The following STXBP5L variants were observed in gnomAD, a reference collection of about 807,000 sequenced individuals.
The protein encoded by STXBP5L is syntaxin-binding protein 5-like.
A neutral mutation model predicts 144.5 loss-of-function variants in STXBP5L; 65 were observed. The observed-to-expected ratio is 0.45, with a 90% CI of 0.37 to 0.55. The LOEUF is 0.55. Among genes scored for constraint, STXBP5L ranks in the 20% least tolerant of loss-of-function variants. The pLI, the probability that STXBP5L is intolerant of heterozygous loss-of-function variation, is 0.00. For synonymous variants in STXBP5L, 505 were observed against 469.6 expected (o/e 1.08, Z -0.97); for missense variants, 1,298 against 1,405.5 (o/e 0.92, Z 1.22).
At chr3:121,007,856 A>T (rs1944462896) in intron 3 of STXBP5L, among the ~76,000 whole-genome samples, 1 of 152,028 alleles carries the variant, frequency 6.6e-6, no homozygotes, top group South Asian at 2.1e-4. Flanking sequence ...TTTACTACAC[A>T]GTTACTCTTA....
At chr3:121,171,096 G>A (rs2046694992) in intron 9 of STXBP5L, among the ~76,000 whole-genome samples, 1 of 152,140 alleles carries the variant, frequency 6.6e-6, no homozygotes. Context: ...ACAACCACAT[G>A]ATTTTCTCAA....
intron 7 of STXBP5L, 76 bp downstream of exon 7, chr3:121,121,780 A>G (rs1327493135): frequency 9.3e-7 from 1 of 1,074,306 alleles, no homozygotes; most frequent in African/African-American, 1.6e-5. Context: ...CTATTATTTT[A>G]TATCTAGTAT....
chr3:121,154,637 T>C (rs541094613), intron 8 of STXBP5L, among the ~76,000 whole-genome samples: 7 of 151,850 alleles, frequency 4.6e-5, no homozygotes, highest in Admixed American at 1.3e-4. Flanking sequence ...GTTTATATTA[T>C]CTCTTATTTC....
chr3:121,201,402 G>T (rs186161881), intron 9 of STXBP5L, among the ~76,000 whole-genome samples: 1 of 152,096 alleles, frequency 6.6e-6, no homozygotes, highest in East Asian at 1.9e-4. Context: ...TTGAGCCTAA[G>T]TATGTCTTTA....
At chr3:121,180,983 G>C (rs565439604) in intron 9 of STXBP5L, among the ~76,000 whole-genome samples, 3 of 151,576 alleles carry the variant, frequency 2.0e-5, no homozygotes, top group African/African-American at 7.3e-5. Flanking sequence ...AAGGGGAGGG[G>C]AGAAGGAAAG....
intron 2 of STXBP5L, among the ~76,000 whole-genome samples, chr3:120,933,381 G>A (rs1028548743): frequency 6.6e-6 from 1 of 151,848 alleles, no homozygotes; most frequent in Non-Finnish European, 1.5e-5. Flanking sequence ...CAACATCACT[G>A]CAAACATTCT....
intron 5 of STXBP5L, among the ~76,000 whole-genome samples, chr3:121,045,825 T>C (rs1947482688): frequency 6.6e-6 from 1 of 152,132 alleles, no homozygotes; most frequent in African/African-American, 2.4e-5. Flanking sequence ...TTTGACTTCC[T>C]TTCTTCCTAT....
rs1939611561 is a variant in STXBP5L, at chr3:120,966,616, G to A, written c.287+11579G>A. On this transcript the variant is annotated intron_variant, in intron 3 of 26. Transcript: ENST00000471454. ...TGCCTGGGTATCACCATTGGAGGCT[G>A]CAGAACAGCAAATATTGCAGAACAG... 3.3e-5 allele frequency among the ~76,000 whole-genome samples: 5 copies of A among 152,162 alleles called. No individual in the cohort carries two copies. The South Asian group carries it at 1.0e-3, about 32-fold the overall frequency.
At chr3:121,154,852 C>A (rs1399594033) in intron 8 of STXBP5L, among the ~76,000 whole-genome samples, 1 of 151,626 alleles carries the variant, frequency 6.6e-6, no homozygotes, top group Non-Finnish European at 1.5e-5. Context: ...TCAGTTTAGA[C>A]CCCTCAAAGT....
At position 121,043,902 on chromosome 3, in the gene STXBP5L, C is replaced by T. The variant is rs1306589778; in HGVS notation, c.370-1533C>T. On this transcript the variant is annotated intron_variant, in intron 4 of 26. Coordinates refer to ENST00000471454, the MANE Select transcript of STXBP5L (RefSeq NM_001308330.2). ...TACATATCATGTTCTATCCTCACCC[C>T]ATCTCAGGTGAACTTCCACCTCTCT... Among the ~76,000 whole-genome samples the T allele has an allele frequency of 2.0e-5, 3 of 152,126 alleles. No homozygotes were observed. The East Asian group carries it at 5.8e-4, about 29-fold the overall frequency.
At chr3:121,183,749 C>T (rs2047257742) in intron 9 of STXBP5L, among the ~76,000 whole-genome samples, 1 of 152,064 alleles carries the variant, frequency 6.6e-6, no homozygotes. Context: ...AGGTCCCTGA[C>T]CCCTGTGCCT....
At position 121,297,202 on chromosome 3, in the gene STXBP5L, A is replaced by ATGTGTGTGTGTG. The variant is rs71133526; in HGVS notation, c.2110+17273_2110+17284dup. 7.8e-3 allele frequency among the ~76,000 whole-genome samples: 1,150 copies of ATGTGTGTGTGTG among 148,304 alleles called. 6 individuals are homozygous for ATGTGTGTGTGTG. The highest frequency in any genetic ancestry group is 0.013 in the African/African-American group (523 of 39,988). On this transcript the variant is annotated intron_variant, in intron 19 of 26. Transcript: ENST00000471454. ...CAGAATCTGAATGATTCTACATTAT[A>ATGTGTGTGTGTG]TGTGTGTGTGTGTGTGTGTGTGTGT... is the stretch of plus-strand genomic sequence containing the variant.
rs76879112 is a variant in STXBP5L at position 121,119,499 on chromosome 3, A to G, written c.606-2142A>G. On this transcript the variant is annotated intron_variant, in intron 6 of 26. Transcript: ENST00000471454. ...AATATTAAGAAGGCTACTTTAGTGA[A>G]TGGGAGAAAGAGAACTAAATAGGGA... Among the ~76,000 whole-genome samples the G allele has an allele frequency of 4.5e-3, 683 of 151,574 alleles. 8 individuals are homozygous for G. Among genetic ancestry groups the G allele is most frequent in the African/African-American group, 0.015 (623 of 41,534 alleles).
chr3:121,354,731 A>G (rs147604810), intron 20 of STXBP5L, among the ~76,000 whole-genome samples: 2,507 of 151,988 alleles, frequency 0.016, 63 homozygotes, highest in African/African-American at 0.057. Context: ...TGATCCTGTC[A>G]TTATGATGTT....
At chr3:121,187,640 G>A (rs2047451905) in intron 9 of STXBP5L, among the ~76,000 whole-genome samples, 1 of 150,586 alleles carries the variant, frequency 6.6e-6, no homozygotes, top group Non-Finnish European at 1.5e-5. Context: ...CAACTAACAG[G>A]CAAAATAATC....
chr3:121,253,446 C>T (rs2050091919), intron 15 of STXBP5L, among the ~76,000 whole-genome samples: 1 of 151,712 alleles, frequency 6.6e-6, no homozygotes, highest in Admixed American at 6.6e-5. Flanking sequence ...ACATTACATA[C>T]CCCTAAATAC....
chr3:121,223,199 T>G (rs2049026498), intron 11 of STXBP5L, 42 bp downstream of exon 11: 1 of 1,547,354 alleles, frequency 6.5e-7, no homozygotes, highest in Non-Finnish European at 8.7e-7. Flanking sequence ...AAAATCATTT[T>G]GGAAATGACA....
chr3:121,077,865 G>C (rs996607764), intron 5 of STXBP5L, among the ~76,000 whole-genome samples: 2 of 152,202 alleles, frequency 1.3e-5, no homozygotes, highest in Non-Finnish European at 2.9e-5. Flanking sequence ...GACACAGGGT[G>C]CTGATTGGTG....
At chr3:121,107,484 A>G (rs893735968) in intron 5 of STXBP5L, among the ~76,000 whole-genome samples, 1 of 152,142 alleles carries the variant, frequency 6.6e-6, no homozygotes, top group Non-Finnish European at 1.5e-5. Flanking sequence ...TCCTTTCCCC[A>G]TTGCTTCTTT....
Sources: allele counts gnomAD v4.1 joint callset (sites outside exome capture counted in the v4.1 genomes callset), GRCh38; gene constraint gnomAD v4.1.1; transcripts MANE v1.5; gene names NCBI Gene and HGNC (gene_info 2026-07-23, HGNC 2026-07-21).